DDAH1: variants seen among roughly 807,000 people sequenced by gnomAD.
DDAH1 encodes N(G),N(G)-dimethylarginine dimethylaminohydrolase 1.
Under a neutral mutation model 28.8 loss-of-function variants are expected in DDAH1, and 19 were observed. That is an observed-to-expected ratio of 0.66 (90% CI 0.46 to 0.97). The LOEUF is 0.97. DDAH1 is among the 50% of genes least tolerant of loss of function. DDAH1 has a pLI of 0.00. For missense variants in DDAH1, 326 were observed against 375.9 expected, an observed-to-expected ratio of 0.87 and a Z score of 1.10; for synonymous variants, 153 against 154.4, an observed-to-expected ratio of 0.99 and a Z score of 0.07.
chr1:85,488,044 G>A (rs1362391630), intron 2 of DDAH1, among the ~76,000 whole-genome samples: 2 of 152,006 alleles, frequency 1.3e-5, no homozygotes, highest in Admixed American at 6.6e-5. Flanking sequence ...AATTAGCCAG[G>A]TGTGGTGGTG....
rs1463626643 is a variant in DDAH1, at chr1:85,574,887, C to CTA, written c.-123+3096_-123+3097insTA. On this transcript the variant is annotated intron_variant, in intron 1 of 6. Coordinates refer to the DDAH1 transcript ENST00000426972. ...ATGGTGAAAACCCATCTCTCTCTCT[C>CTA]TCTCTATATATATATATATGTAATT... 2.6e-3 allele frequency among the ~76,000 whole-genome samples: 387 copies of CTA among 151,648 alleles called. 5 individuals are homozygous for CTA. In the East Asian group the frequency reaches 0.029, roughly 11 times the overall value.
At chr1:85,514,631 G>A (rs1447800452) in intron 1 of DDAH1, among the ~76,000 whole-genome samples, 2 of 147,164 alleles carry the variant, frequency 1.4e-5, no homozygotes, top group African/African-American at 5.0e-5. Context: ...TGGCAAATTA[G>A]TTTTTTTTTC....
chr1:85,499,928 T>C (rs1167657051), intron 1 of DDAH1, among the ~76,000 whole-genome samples: 1 of 152,238 alleles, frequency 6.6e-6, no homozygotes, highest in Non-Finnish European at 1.5e-5. Context: ...TCTGAGTTTC[T>C]ACCTGGTATC....
rs928910962 is a variant in DDAH1 at position 85,570,397 on chromosome 1, T to C, written c.-123+7587A>G. Among the ~76,000 whole-genome samples the C allele has an allele frequency of 2.7e-4, 20 of 73,442 alleles. No homozygotes were observed. The South Asian group carries it at 3.7e-3, about 14-fold the overall frequency. 48.2% of individuals were successfully genotyped at this position (73,442 alleles called of 152,430 possible). A position where few individuals can be genotyped will look rare whatever the true frequency, so the allele number is the denominator to read the frequency against. On this transcript the variant is annotated intron_variant, in intron 1 of 6. Coordinates refer to the DDAH1 transcript ENST00000426972. ...ACACACACACACACACACACACACA[T>C]CTCAGTGCACTTATCTAACACCTTC...
intron 1 of DDAH1, among the ~76,000 whole-genome samples, chr1:85,531,956 C>A (rs1342922460): frequency 6.6e-6 from 1 of 152,148 alleles, no homozygotes; most frequent in East Asian, 1.9e-4. Flanking sequence ...AGGCAGTTAA[C>A]CATGTTTAAA....
intron 2 of DDAH1, among the ~76,000 whole-genome samples, chr1:85,352,007 A>T (rs898786987): frequency 6.6e-6 from 1 of 152,230 alleles, no homozygotes; most frequent in African/African-American, 2.4e-5. Flanking sequence ...ATTTTTATTT[A>T]GGCAATAATA....
Position 85,464,488 on chromosome 1 carries a change from C to T in DDAH1, c.303+255G>A, listed in dbSNP as rs897490235. 2.0e-6 allele frequency: 3 copies of T among 1,524,352 alleles called. No homozygotes were observed. Among genetic ancestry groups the T allele is most frequent in the African/African-American group, 1.4e-5 (1 of 72,592 alleles). 94.4% of individuals were successfully genotyped at this position (1,524,352 alleles called of 1,614,324 possible). A position where few individuals can be genotyped will look rare whatever the true frequency, so the allele number is the denominator to read the frequency against. ...ATGCCCGTGAGACGGAATCCCCCGC[C>T]CACCCACCTGCCCGAGACCGTACAA... On this transcript the variant is annotated intron_variant, in intron 1 of 5. Transcript: ENST00000284031. The surrounding 1 kb of genome is among the most constrained non-coding windows in gnomAD (Gnocchi z 4.4).
At chr1:85,456,811 A>AC (rs1177186990) in intron 1 of DDAH1, among the ~76,000 whole-genome samples, 4 of 151,364 alleles carry the variant, frequency 2.6e-5, no homozygotes, top group Non-Finnish European at 5.9e-5. Context: ...AAGGGGGAAA[A>AC]CCCCCAGCAA....
Position 85,388,775 on chromosome 1 carries a change from T to G in DDAH1, c.304-29928A>C, listed in dbSNP as rs144252952. On this transcript the variant is annotated intron_variant, in intron 1 of 5. Transcript: ENST00000284031. Reference sequence around the variant, plus strand: ...ATGTCACAAAGGAGAAAGTGTCACCTTCACTGTGCTCCTGATGAAGCTATT... The same window carrying G: ...ATGTCACAAAGGAGAAAGTGTCACCGTCACTGTGCTCCTGATGAAGCTATT... 4.8e-3 allele frequency among the ~76,000 whole-genome samples: 726 copies of G among 152,304 alleles called. 5 individuals carry two copies. The highest frequency in any genetic ancestry group is 0.016 in the African/African-American group (672 of 41,570).
intron 1 of DDAH1, among the ~76,000 whole-genome samples, chr1:85,539,128 ATTTC>A (rs1246270437): frequency 6.6e-6 from 1 of 151,716 alleles, no homozygotes; most frequent in African/African-American, 2.4e-5. Flanking sequence ...GAAGTTACAG[ATTTC>A]TTTTTCTTTC....
At chr1:85,388,859 A>C (rs1651406404) in intron 1 of DDAH1, among the ~76,000 whole-genome samples, 1 of 152,162 alleles carries the variant, frequency 6.6e-6, no homozygotes, top group South Asian at 2.1e-4. Flanking sequence ...TTTAAAGTTC[A>C]CCGGCCCAGG....
At chr1:85,529,363 A>T (rs577577833) in intron 1 of DDAH1, among the ~76,000 whole-genome samples, 1 of 152,178 alleles carries the variant, frequency 6.6e-6, no homozygotes, top group South Asian at 2.1e-4. Context: ...CCTTTTCTTG[A>T]TGCTGCCTGC....
At chr1:85,458,820 T>C (rs937578411) in intron 1 of DDAH1, among the ~76,000 whole-genome samples, 1 of 152,206 alleles carries the variant, frequency 6.6e-6, no homozygotes, top group African/African-American at 2.4e-5. Flanking sequence ...CACTATGTTC[T>C]GTATAAGATA....
At chr1:85,410,426 G>A (rs1461136311) in intron 1 of DDAH1, among the ~76,000 whole-genome samples, 4 of 152,066 alleles carry the variant, frequency 2.6e-5, no homozygotes, top group Non-Finnish European at 5.9e-5. Flanking sequence ...GATCACCTGA[G>A]TTTGGGAGTT....
chr1:85,444,936 A>G (rs534426375), intron 1 of DDAH1, among the ~76,000 whole-genome samples: 1 of 152,314 alleles, frequency 6.6e-6, no homozygotes, highest in African/African-American at 2.4e-5. Flanking sequence ...GGCCATTGGT[A>G]GGCTGAGGAG....
chr1:85,320,299 T>C lies in DDAH1; in HGVS notation c.*1153A>G, dbSNP rs1271430217. 8 of 152,620 alleles carry C rather than the reference T, an allele frequency of 5.2e-5. No homozygotes were observed. The highest frequency in any genetic ancestry group is 8.8e-5 in the Non-Finnish European group (6 of 68,026). The allele number at this position is 152,620 out of a possible 1,614,324, so 9.5% of individuals were successfully genotyped here. On this transcript the variant is annotated 3_prime_UTR_variant, in exon 6 of 6. Transcript: ENST00000284031. ...GATATTTCAAAGTAGAATTGTCCAC[T>C]GTCTGGGGTTGGGTTCAAGCATCAA...
intron 1 of DDAH1, among the ~76,000 whole-genome samples, chr1:85,502,955 C>T (rs568053219): frequency 6.6e-6 from 1 of 152,126 alleles, no homozygotes; most frequent in Admixed American, 6.5e-5. Flanking sequence ...TTCTCACTAT[C>T]CATAGCTACC....
In DDAH1 at chr1:85,574,889, C is replaced by CTA. The variant is rs1202178991; in HGVS notation, c.-123+3094_-123+3095insTA. ...GGTGAAAACCCATCTCTCTCTCTCT[C>CTA]TCTATATATATATATATGTAATTAA... is the stretch of plus-strand genomic sequence containing the variant. On this transcript the variant is annotated intron_variant, in intron 1 of 6. Transcript: ENST00000426972. Among the ~76,000 whole-genome samples, 137 of 151,636 alleles carry CTA rather than the reference C, an allele frequency of 9.0e-4. No individual in the cohort carries two copies. In the East Asian group the frequency reaches 0.012, roughly 13 times the overall value.
Position 85,465,142 on chromosome 1 carries a change from T to C in DDAH1, c.-97A>G. The C allele has an allele frequency of 2.6e-6, 3 of 1,162,588 alleles. No individual in the cohort carries two copies. The highest frequency in any genetic ancestry group is 3.2e-6 in the Non-Finnish European group (3 of 944,312). 72.0% of individuals were successfully genotyped at this position (1,162,588 alleles called of 1,614,324 possible). Reference sequence around the variant, plus strand: ...GCCTGCGAGCGCCCGTCGGCTCCTCTTGGCAGCCGCTGAATGTGGTGCAGA... The same window carrying C: ...GCCTGCGAGCGCCCGTCGGCTCCTCCTGGCAGCCGCTGAATGTGGTGCAGA... On this transcript the variant is annotated 5_prime_UTR_variant, in exon 1 of 6. Transcript: ENST00000284031.
Sources: gnomAD v4.1 joint callset for allele counts (sites outside exome capture counted in the v4.1 genomes callset) on GRCh38, gnomAD v4.1.1 for gene constraint, Gnocchi (gnomAD v3.1) non-coding constraint, MANE v1.5 for transcripts, NCBI Gene and HGNC (gene_info 2026-07-23, HGNC 2026-07-21) for gene names.